Variants in DERL1 observed in about 807,000 individuals in gnomAD.
DERL1 encodes the protein derlin-1.
In DERL1, 24 loss-of-function variants were observed where a neutral mutation model predicts 41.6. The observed-to-expected ratio is 0.58, with a 90% CI of 0.42 to 0.81. The LOEUF is 0.81. Among genes scored for constraint, DERL1 ranks in the 30% least tolerant of loss-of-function variants. The probability of loss-of-function intolerance (pLI) is 0.00; values close to 1 mark genes in which losing one functional copy is unlikely to be tolerated. For synonymous variants in DERL1, 124 were observed against 112.5 expected (o/e 1.10, Z -0.65); for missense variants, 260 against 314.3 (o/e 0.83, Z 1.31).
At chr8:123,025,989 A>G (rs1812679259) in intron 2 of DERL1, among the ~76,000 whole-genome samples, 1 of 152,172 alleles carries the variant, frequency 6.6e-6, no homozygotes, top group Non-Finnish European at 1.5e-5. Context: ...GAAAAAAAAA[A>G]AAAGAAACAG....
chr8:123,027,409 G>A (rs1812725104), intron 2 of DERL1, among the ~76,000 whole-genome samples: 1 of 151,556 alleles, frequency 6.6e-6, no homozygotes, highest in Non-Finnish European at 1.5e-5. Flanking sequence ...TGGGGGTGGT[G>A]AAATATTATA....
rs1813094581 is a variant in DERL1 at position 123,042,144 on chromosome 8, G to C, written c.-22C>G. ...ACATCTTCGACCCACAGGTAGCCAA[G>C]ATGCACAAGACCGCCCGACTCCCCG... is the stretch of plus-strand genomic sequence containing the variant. On this transcript the variant is annotated 5_prime_UTR_variant, in exon 1 of 8. It adds an upstream start codon to the 5' untranslated region. Transcript: ENST00000259512. 3 of 1,593,406 alleles carry C rather than the reference G, an allele frequency of 1.9e-6. No homozygotes were observed. Among genetic ancestry groups the C allele is most frequent in the Non-Finnish European group, 1.7e-6 (2 of 1,167,028 alleles).
chr8:123,027,740 T>C (rs2130477961), intron 2 of DERL1, among the ~76,000 whole-genome samples: 1 of 152,214 alleles, frequency 6.6e-6, no homozygotes, highest in South Asian at 2.1e-4. Context: ...GTAAAGGGAT[T>C]CAAAGCACAA....
chr8:123,027,618 A>C (rs1187592684), intron 2 of DERL1, among the ~76,000 whole-genome samples: 1 of 152,212 alleles, frequency 6.6e-6, no homozygotes, highest in East Asian at 1.9e-4. Flanking sequence ...TAAAAATCAA[A>C]GCAAATAAAA....
intron 2 of DERL1, among the ~76,000 whole-genome samples, chr8:123,029,003 G>C (rs1586465617): frequency 1.3e-5 from 2 of 152,106 alleles, no homozygotes; most frequent in East Asian, 3.9e-4. Context: ...CGGCAGTCAA[G>C]GCTGCAGGGA....
At chr8:123,032,986 CA>C (rs11368035) in intron 1 of DERL1, among the ~76,000 whole-genome samples, 67,605 of 151,350 alleles carry the variant, frequency 0.45, 17,212 homozygotes, top group South Asian at 0.57. Flanking sequence ...CTCAGCCTCC[CA>C]AGTGGCTAGG....
intron 6 of DERL1, 53 bp from the exon 7 acceptor site, chr8:123,019,358 A>C: frequency 7.9e-7 from 1 of 1,262,266 alleles, no homozygotes; most frequent in Non-Finnish European, 1.2e-6. Context: ...GAGATGCACC[A>C]AGTTTTAACT....
intron 6 of DERL1, 147 bp downstream of exon 6, chr8:123,021,300 A>G (rs2130462199): frequency 2.7e-6 from 2 of 728,874 alleles, no homozygotes; most frequent in Non-Finnish European, 4.6e-6. Context: ...AATCAATTCA[A>G]TCGAAGTGAA....
chr8:123,041,165 C>T (rs1050492803), intron 1 of DERL1, among the ~76,000 whole-genome samples: 1 of 152,176 alleles, frequency 6.6e-6, no homozygotes, highest in Admixed American at 6.5e-5. Context: ...AGAAGTAACA[C>T]CCAGTGAAGA....
intron 2 of DERL1, among the ~76,000 whole-genome samples, chr8:123,026,215 C>T (rs555805950): frequency 1.3e-5 from 2 of 152,322 alleles, no homozygotes; most frequent in African/African-American, 4.8e-5. Context: ...ACTTCAGCCA[C>T]AGTGTTAAGC....
rs1051433563 is a variant in DERL1 at position 123,013,941 on chromosome 8, T to C, written c.*1506A>G. 8 of 152,186 alleles carry C rather than the reference T, an allele frequency of 5.3e-5. No individual in the cohort carries two copies. Among genetic ancestry groups the C allele is most frequent in the Admixed American group, 2.6e-4 (4 of 15,274 alleles). 9.4% of individuals were successfully genotyped at this position (152,186 alleles called of 1,614,324 possible). A position where few individuals can be genotyped will look rare whatever the true frequency, so the allele number is the denominator to read the frequency against. ...AAAATGAGAAGTTGTTTGCCAACTC[T>C]CATTTCCTAGGATAACACACATCAC... On this transcript the variant is annotated 3_prime_UTR_variant, in exon 8 of 8. Coordinates refer to ENST00000259512, the MANE Select transcript of DERL1 (RefSeq NM_024295.6).
chr8:123,030,724 G>C lies in DERL1; in HGVS notation c.154-8C>G, dbSNP rs1403750025. 3 of 1,579,492 alleles carry C rather than the reference G, an allele frequency of 1.9e-6. No individual in the cohort carries two copies. Among genetic ancestry groups the C allele is most frequent in the African/African-American group, 1.4e-5 (1 of 73,958 alleles). On this transcript the variant is annotated splice_region_variant and splice_polypyrimidine_tract_variant and intron_variant, in intron 1 of 7. Transcript: ENST00000259512. ...AGTGATTGGCCTCCAAATCTGTCCA[G>C]ATCAAAATAAACACAGCTGTTAGTT...
At chr8:123,032,630 G>A (rs1812840898) in intron 1 of DERL1, among the ~76,000 whole-genome samples, 1 of 152,118 alleles carries the variant, frequency 6.6e-6, no homozygotes, top group Non-Finnish European at 1.5e-5. Flanking sequence ...TTTTATTTTA[G>A]CACTTTCAAG....
chr8:123,035,816 A>G (rs1159242581), intron 1 of DERL1, among the ~76,000 whole-genome samples: 2 of 152,098 alleles, frequency 1.3e-5, no homozygotes, highest in Non-Finnish European at 2.9e-5. Context: ...AATCTTCTAA[A>G]CAATCTGCTA....
intron 1 of DERL1, among the ~76,000 whole-genome samples, chr8:123,034,492 T>G (rs1812882380): frequency 1.3e-5 from 2 of 152,164 alleles, no homozygotes; most frequent in South Asian, 4.1e-4. Flanking sequence ...AATGTGCTAC[T>G]CAGCTTATTT....
At chr8:123,035,154 A>G (rs566424952) in intron 1 of DERL1, among the ~76,000 whole-genome samples, 1 of 152,322 alleles carries the variant, frequency 6.6e-6, no homozygotes, top group African/African-American at 2.4e-5. Context: ...ACATAAGACT[A>G]TTTTTAGTCA....
intron 1 of DERL1, among the ~76,000 whole-genome samples, chr8:123,031,653 T>C (rs1431878030): frequency 6.6e-6 from 1 of 152,222 alleles, no homozygotes; most frequent in Non-Finnish European, 1.5e-5. Context: ...ATCAGTGTCT[T>C]GTATTTCCTC....
At chr8:123,041,793 C>A (rs776718997) in intron 1 of DERL1, among the ~76,000 whole-genome samples, 177 bp downstream of exon 1, 1 of 152,236 alleles carries the variant, frequency 6.6e-6, no homozygotes, top group Non-Finnish European at 1.5e-5. Context: ...TATCCAGCAC[C>A]CCGCTCCAGA....
chr8:123,041,914 C>G (rs1478759390), intron 1 of DERL1, 56 bp downstream of exon 1: 3 of 1,506,592 alleles, frequency 2.0e-6, no homozygotes, highest in Non-Finnish European at 2.7e-6. Context: ...TACGCTTAGC[C>G]GCCGCTGGGC....
Sources: allele counts gnomAD v4.1 joint callset (sites outside exome capture counted in the v4.1 genomes callset), GRCh38; gene constraint gnomAD v4.1.1; transcripts MANE v1.5; gene names NCBI Gene and HGNC (gene_info 2026-07-23, HGNC 2026-07-21).